The following FCGR2B variants were observed in gnomAD, a reference collection of about 807,000 sequenced individuals.
The protein encoded by FCGR2B is low affinity immunoglobulin gamma Fc region receptor II-b.
In FCGR2B, 18 loss-of-function variants were observed where a neutral mutation model predicts 24.8. The ratio of observed to expected loss-of-function variants is 0.73; its 90% CI spans 0.50 to 1.08. The LOEUF (loss-of-function observed/expected upper bound fraction) is 1.08, where lower values mean the gene tolerates loss of function less well. Among genes scored for constraint, FCGR2B ranks in the 50% least tolerant of loss-of-function variants. The probability of loss-of-function intolerance (pLI) is 0.00; values close to 1 mark genes in which losing one functional copy is unlikely to be tolerated. For synonymous variants in FCGR2B, 79 were observed against 109.8 expected (o/e 0.72, Z 1.75); for missense variants, 215 against 297.6 (o/e 0.72, Z 2.04).
intron 3 of FCGR2B, 138 bp downstream of exon 3, chr1:161,671,787 T>C (rs1190715924): frequency 6.7e-7 from 1 of 1,486,094 alleles, no homozygotes; most frequent in Non-Finnish European, 9.0e-7. Flanking sequence ...CACATATCAG[T>C]GGTTGTTTTT....
intron 1 of FCGR2B, among the ~76,000 whole-genome samples, chr1:161,669,655 A>C (rs2102655996): frequency 7.1e-6 from 1 of 140,700 alleles, no homozygotes; most frequent in East Asian, 1.9e-4. Context: ...ATCTTCTAGA[A>C]CTTGCATTGC....
At chr1:161,654,866 T>G in the FCGR2B span, among the ~76,000 whole-genome samples, 1 of 138,166 alleles carries the variant, frequency 7.2e-6, no homozygotes, top group African/African-American at 2.5e-5. Context: ...TTGTGTATTA[T>G]CTGTTTTTTT....
At chr1:161,671,144 C>T (rs998809303) in intron 2 of FCGR2B, among the ~76,000 whole-genome samples, 2 of 152,124 alleles carry the variant, frequency 1.3e-5, no homozygotes, top group Non-Finnish European at 2.9e-5. Context: ...ATATGTATTT[C>T]GAGGGTGTTT....
intron 3 of FCGR2B, chr1:161,671,974 T>G (rs960954517): frequency 2.6e-5 from 11 of 429,310 alleles, no homozygotes; most frequent in Non-Finnish European, 3.8e-5. Context: ...TACAACATGA[T>G]GAATTCATTT....
Position 161,671,438 on chromosome 1 carries a change from C to T in FCGR2B, c.180C>T (p.Asn60=), listed in dbSNP as rs138208658. 208 of 1,614,188 alleles carry T rather than the reference C, an allele frequency of 1.3e-4. No individual in the cohort carries two copies. Among genetic ancestry groups the T allele is most frequent in the Non-Finnish European group, 1.6e-4 (188 of 1,180,032 alleles). The stretch of plus-strand genomic sequence containing the variant: ...TGAAACTCGAGCCCCAGTGGATCAA[C>T]GTGCTCCAGGAGGACTCTGTGACTC... ...AVLKLEPQWI[N]VLQEDSVTLT... The change falls in exon 3 of 8, where the codon AAC becomes AAT. Residue 60 remains asparagine, a synonymous_variant. Coordinates refer to ENST00000358671, the MANE Select transcript of FCGR2B (RefSeq NM_001394477.1).
the FCGR2B span, among the ~76,000 whole-genome samples, chr1:161,653,388 A>G: frequency 3.1e-5 from 4 of 130,762 alleles, no homozygotes; most frequent in African/African-American, 1.0e-4. Context: ...CCTGGGTGAC[A>G]GAGCAAGACT....
rs3039547 is a variant in FCGR2B, at chr1:161,668,964, T to TAC, written c.113-1270_113-1269dup. Among the ~76,000 whole-genome samples, 356 of 96,998 alleles carry TAC rather than the reference T, an allele frequency of 3.7e-3. 5 individuals carry two copies. The highest frequency in any genetic ancestry group is 7.6e-3 in the African/African-American group (212 of 28,056). 63.6% of individuals were successfully genotyped at this position (96,998 alleles called of 152,430 possible). On this transcript the variant is annotated intron_variant, in intron 1 of 7. Coordinates refer to ENST00000358671, the MANE Select transcript of FCGR2B (RefSeq NM_001394477.1). ...ATGGACAGATGGACACACACACACA[T>TAC]ACACACACACACACACACAGAGCTC...
upstream of FCGR2B, among the ~76,000 whole-genome samples, chr1:161,658,933 A>G (rs1680899037): frequency 6.6e-6 from 1 of 151,872 alleles, no homozygotes; most frequent in South Asian, 2.1e-4. Flanking sequence ...GCCTTCCCAA[A>G]GTGGGTCTAT....
In FCGR2B at chr1:161,678,488, G is replaced by A. The variant is rs1236725428; in HGVS notation, c.*935G>A. ...GGCCACACCATTTAGGTTTGTATAA[G>A]TACCTGCTATGATGTTCACACAACA... On this transcript the variant is annotated 3_prime_UTR_variant, in exon 8 of 8. Coordinates refer to ENST00000358671, the MANE Select transcript of FCGR2B (RefSeq NM_001394477.1). 1 of 217,406 alleles carries A rather than the reference G, an allele frequency of 4.6e-6. No individual in the cohort carries two copies. Among genetic ancestry groups the A allele is most frequent in the Non-Finnish European group, 9.2e-6 (1 of 108,166 alleles). The allele number at this position is 217,406 out of a possible 1,614,324, so 13.5% of individuals were successfully genotyped here. A position where few individuals can be genotyped will look rare whatever the true frequency, so the allele number is the denominator to read the frequency against.
rs902450895 is a variant in FCGR2B, at chr1:161,671,428, A to C, written c.170A>C (p.Gln57Pro). ...PPKAVLKLEP[Q>P]WINVLQEDSV... ...AAGGCTGTGCTGAAACTCGAGCCCC[A>C]GTGGATCAACGTGCTCCAGGAGGAC... The change falls in exon 3 of 8, where the codon CAG (glutamine) becomes CCG (proline). Residue 57 changes from glutamine to proline, a missense_variant. Coordinates refer to ENST00000358671, the MANE Select transcript of FCGR2B (RefSeq NM_001394477.1). The C allele has an allele frequency of 1.2e-5, 19 of 1,613,948 alleles. No individual in the cohort carries two copies. Among genetic ancestry groups the C allele is most frequent in the Admixed American group, 1.7e-5 (1 of 59,996 alleles).
the FCGR2B span, among the ~76,000 whole-genome samples, chr1:161,647,355 C>CA: frequency 7.1e-6 from 1 of 141,604 alleles, no homozygotes; most frequent in Non-Finnish European, 1.5e-5. Flanking sequence ...GGCTGGAGTG[C>CA]AGTAGTGTGA....
chr1:161,649,750 T>C, the FCGR2B span, among the ~76,000 whole-genome samples: 1 of 149,842 alleles, frequency 6.7e-6, no homozygotes, highest in African/African-American at 2.5e-5. Flanking sequence ...GTGTTGTTTA[T>C]AACTAGGAGG....
chr1:161,656,175 A>G, the FCGR2B span, among the ~76,000 whole-genome samples: 2 of 143,026 alleles, frequency 1.4e-5, no homozygotes, highest in South Asian at 2.3e-4. Context: ...TAATTCTACG[A>G]CTTTCTGCTC....
chr1:161,671,216 G>C lies in FCGR2B; in HGVS notation c.134-176G>C, dbSNP rs60737164. Reference sequence around the variant, plus strand: ...TCGGAGTCCTGGGCTCCCTGGGGCCGTTGTGGTGGGATGTATGAGCAAAAG... The same window carrying C: ...TCGGAGTCCTGGGCTCCCTGGGGCCCTTGTGGTGGGATGTATGAGCAAAAG... On this transcript the variant is annotated intron_variant, in intron 2 of 7. Transcript: ENST00000358671. Among the ~76,000 whole-genome samples the C allele has an allele frequency of 2.7e-3, 408 of 152,176 alleles. 9 individuals are homozygous for C. In the South Asian group the frequency reaches 0.032, roughly 12 times the overall value.
At chr1:161,654,820 C>A in the FCGR2B span, among the ~76,000 whole-genome samples, 1 of 138,424 alleles carries the variant, frequency 7.2e-6, no homozygotes, top group Non-Finnish European at 1.7e-5. Flanking sequence ...GCCTCACTAC[C>A]TCAGCACTCT....
chr1:161,672,430 C>G lies in FCGR2B; in HGVS notation c.392-545C>G, dbSNP rs145332753. Reference sequence around the variant, plus strand: ...CTGGTGACACTGCTGCCTTTAGACCCTGCTGGAAAGAAGCTCCACATTTAT... The same window carrying G: ...CTGGTGACACTGCTGCCTTTAGACCGTGCTGGAAAGAAGCTCCACATTTAT... On this transcript the variant is annotated intron_variant, in intron 3 of 7. Coordinates refer to ENST00000358671, the MANE Select transcript of FCGR2B (RefSeq NM_001394477.1). The G allele has an allele frequency of 1.7e-3, 297 of 174,226 alleles. 1 individual carries two copies. Among genetic ancestry groups the G allele is most frequent in the Admixed American group, 2.8e-3 (52 of 18,540 alleles). The allele number at this position is 174,226 out of a possible 1,614,324, so 10.8% of individuals were successfully genotyped here.
At chr1:161,661,263 G>GAAAGA (rs1557895346), upstream of FCGR2B, among the ~76,000 whole-genome samples, 2 of 18,728 alleles carry the variant, frequency 1.1e-4, no homozygotes, top group Non-Finnish European at 3.3e-4. Flanking sequence ...AGAAAGAAAG[G>GAAAGA]AAGGAAGCAA....
the FCGR2B span, among the ~76,000 whole-genome samples, chr1:161,651,813 A>T: frequency 1.6e-5 from 2 of 124,458 alleles, 1 homozygote; most frequent in Non-Finnish European, 3.7e-5. Context: ...CATGCCTGTA[A>T]TCCCAGCTAA....
At chr1:161,671,328 T>G in intron 2 of FCGR2B, 64 bp from the exon 3 acceptor site, 1 of 1,612,758 alleles carries the variant, frequency 6.2e-7, no homozygotes, top group South Asian at 1.1e-5. Context: ...TTGTCTGAGA[T>G]TCAGGGCCTC....
Sources: gnomAD v4.1 joint callset for allele counts (sites outside exome capture counted in the v4.1 genomes callset) on GRCh38, gnomAD v4.1.1 for gene constraint, MANE v1.5 for transcripts, NCBI Gene and HGNC (gene_info 2026-07-23, HGNC 2026-07-21) for gene names.